KMT2E: variants seen among roughly 807,000 people sequenced by gnomAD.
KMT2E encodes the protein histone reader KMT2E.
KMT2E carries 30 observed loss-of-function variants against 184.6 expected under a neutral mutation model. The ratio of observed to expected loss-of-function variants is 0.16; its 90% CI spans 0.12 to 0.22. The LOEUF (loss-of-function observed/expected upper bound fraction) is 0.22. Among genes scored for constraint, KMT2E ranks in the 10% least tolerant of loss-of-function variants. The pLI is 1.00. For missense variants in KMT2E, 2,023 were observed against 2,237.4 expected, an observed-to-expected ratio of 0.90 and a Z score of 1.93; for synonymous variants, 815 against 776.5, an observed-to-expected ratio of 1.05 and a Z score of -0.82.
At chr7:105,103,827 C>CTTTTT (rs66584948) in intron 17 of KMT2E, 25 of 117,560 alleles carry the variant, frequency 2.1e-4, no homozygotes, top group South Asian at 5.2e-4. Flanking sequence ...TTTTCTTTTT[C>CTTTTT]TTTTTTTTTT....
At chr7:105,084,040 A>T (rs1292401853) in intron 13 of KMT2E, among the ~76,000 whole-genome samples, 1 of 152,188 alleles carries the variant, frequency 6.6e-6, no homozygotes, top group African/African-American at 2.4e-5. Flanking sequence ...TAAAAGCTTC[A>T]TTTGCAATAC....
intron 1 of KMT2E, among the ~76,000 whole-genome samples, chr7:105,024,969 G>A (rs1350229128): frequency 2.0e-5 from 3 of 152,064 alleles, no homozygotes; most frequent in African/African-American, 7.2e-5. Flanking sequence ...TAAAATCACA[G>A]CAGTACAAAT....
chr7:105,112,127 C>G lies in KMT2E; in HGVS notation c.4371C>G (p.His1457Gln), dbSNP rs777676737. 1 of 1,614,176 alleles carries G rather than the reference C, an allele frequency of 6.2e-7. No individual in the cohort carries two copies. Among genetic ancestry groups the G allele is most frequent in the South Asian group, 1.1e-5 (1 of 91,068 alleles). The change falls in exon 27 of 27, where the codon CAC becomes CAG. Residue 1457 changes from histidine to glutamine, a missense_variant. His to Gln is a conservative substitution (Grantham distance 24). Transcript: ENST00000311117. ...ATCCTCCAAAGTCATCCACGCCTCA[C>G]ACACCTGTACAGCATGGTTATCTTT... ...LENPPKSSTP[H>Q]TPVQHGYLSP... is the part of the protein sequence containing the mutation.
In KMT2E at chr7:105,090,148, A is replaced by G. The variant is rs771795820; in HGVS notation, c.1498A>G (p.Lys500Glu). 6.2e-7 allele frequency: 1 copy of G among 1,613,278 alleles called. No individual in the cohort carries two copies. Among genetic ancestry groups the G allele is most frequent in the Non-Finnish European group, 8.5e-7 (1 of 1,179,598 alleles). The change falls in exon 14 of 27, where the codon AAA (lysine) becomes GAA (glutamate). Residue 500 changes from lysine to glutamate, a missense_variant. Around this residue, in one of 8 missense-constraint regions of KMT2E, gnomAD observed 514 missense variants for 621.8 expected, o/e 0.83. Coordinates refer to ENST00000311117, the MANE Select transcript of KMT2E (RefSeq NM_182931.3). ...AGGAAAAAAAGACAAAGATATTTCA[A>G]AAGAAAAAGATACACAAAATCAGAA... is the stretch of plus-strand genomic sequence containing the variant. ...KKGKKDKDIS[K>E]EKDTQNQNIT...
At chr7:105,044,076 T>C (rs1448722655) in intron 3 of KMT2E, among the ~76,000 whole-genome samples, 1 of 152,176 alleles carries the variant, frequency 6.6e-6, no homozygotes, top group Admixed American at 6.5e-5. Context: ...CCAGCCTGGG[T>C]GACAGAGCAA....
chr7:105,114,624 T>G lies in KMT2E; in HGVS notation c.*1291T>G, dbSNP rs1413609200. ...TACATCCAATAATAATGATACTGTTTTATCAATCAACATATTTTTCATCAT... is the reference window on the plus strand; with the variant it reads ...TACATCCAATAATAATGATACTGTTGTATCAATCAACATATTTTTCATCAT... On this transcript the variant is annotated 3_prime_UTR_variant, in exon 27 of 27. Coordinates refer to ENST00000311117, the MANE Select transcript of KMT2E (RefSeq NM_182931.3). Among the ~76,000 whole-genome samples the G allele has an allele frequency of 6.6e-6, 1 of 152,232 alleles. No individual in the cohort carries two copies. The highest frequency in any genetic ancestry group is 6.5e-5 in the Admixed American group (1 of 15,284).
intron 13 of KMT2E, among the ~76,000 whole-genome samples, chr7:105,087,878 T>G (rs1229979646): frequency 6.6e-6 from 1 of 151,432 alleles, no homozygotes; most frequent in Non-Finnish European, 1.5e-5. Context: ...GTCTTTTGGG[T>G]TATAAGCAAT....
chr7:105,030,225 T>C (rs1407248662), intron 1 of KMT2E, among the ~76,000 whole-genome samples: 1 of 152,254 alleles, frequency 6.6e-6, no homozygotes, highest in African/African-American at 2.4e-5. Flanking sequence ...AGATAAAGTC[T>C]AGTCAAATTG....
At chr7:105,095,838 T>G (rs1055855322) in intron 15 of KMT2E, among the ~76,000 whole-genome samples, 1 of 152,052 alleles carries the variant, frequency 6.6e-6, no homozygotes, top group African/African-American at 2.4e-5. Context: ...GAGGTGGGGC[T>G]AGATGGCTGT....
intron 1 of KMT2E, among the ~76,000 whole-genome samples, chr7:105,032,897 A>G (rs1795485664): frequency 6.6e-6 from 1 of 152,240 alleles, no homozygotes; most frequent in Admixed American, 6.5e-5. Flanking sequence ...TGTCCTTGGG[A>G]CAAGTAGAAT....
chr7:105,029,081 A>G (rs1366805880), intron 1 of KMT2E, among the ~76,000 whole-genome samples: 1 of 152,086 alleles, frequency 6.6e-6, no homozygotes, highest in Non-Finnish European at 1.5e-5. Flanking sequence ...CCTGGCCAAC[A>G]TAGGGAAACC....
chr7:105,026,696 T>A (rs1042974521), intron 1 of KMT2E, among the ~76,000 whole-genome samples: 5 of 152,212 alleles, frequency 3.3e-5, no homozygotes, highest in Non-Finnish European at 4.4e-5. Flanking sequence ...ATGTTTAAAC[T>A]GGCAAATCTC....
Position 105,112,122 on chromosome 7 carries a change from C to T in KMT2E, c.4366C>T (p.Pro1456Ser). The T allele has an allele frequency of 6.2e-7, 1 of 1,614,174 alleles. No individual in the cohort carries two copies. The highest frequency in any genetic ancestry group is 8.5e-7 in the Non-Finnish European group (1 of 1,180,024). ...HLENPPKSST[P>S]HTPVQHGYLS... ...AGAAAATCCTCCAAAGTCATCCACGCCTCACACACCTGTACAGCATGGTTA... is the reference window on the plus strand; with the variant it reads ...AGAAAATCCTCCAAAGTCATCCACGTCTCACACACCTGTACAGCATGGTTA... The change falls in exon 27 of 27, where the codon CCT (proline) becomes TCT (serine). Residue 1456 changes from proline to serine, a missense_variant. This residue lies in a region of KMT2E where 1,108 missense variants were observed against 1,050.9 expected (regional missense o/e 1.05). Transcript: ENST00000311117.
At position 105,062,214 on chromosome 7, in the gene KMT2E, A is replaced by T; in HGVS notation, c.122A>T (p.Tyr41Phe). ...GTGGTAGTTGAGAAATCCAACAGTT[A>T]TCCCCACCAGTTATATACCAGCAGC... ...SPVVVEKSNS[Y>F]PHQLYTSSSH... The change falls in exon 4 of 27, where the codon TAT becomes TTT. Residue 41 changes from tyrosine (Y) to phenylalanine (F), a missense_variant. Coordinates refer to ENST00000311117, the MANE Select transcript of KMT2E (RefSeq NM_182931.3). The T allele has an allele frequency of 6.2e-7, 1 of 1,613,712 alleles. No individual in the cohort carries two copies. Among genetic ancestry groups the T allele is most frequent in the Non-Finnish European group, 8.5e-7 (1 of 1,179,720 alleles).
At chr7:105,075,413 C>G (rs1253632215) in intron 8 of KMT2E, among the ~76,000 whole-genome samples, 1 of 152,128 alleles carries the variant, frequency 6.6e-6, no homozygotes, top group Non-Finnish European at 1.5e-5. Flanking sequence ...GTAAATACAG[C>G]TCTGTTTACC....
intron 1 of KMT2E, among the ~76,000 whole-genome samples, chr7:105,020,057 G>A (rs531610503): frequency 1.4e-3 from 212 of 150,074 alleles, no homozygotes; most frequent in Non-Finnish European, 2.5e-3. Context: ...GCAGTGAGCC[G>A]AGATTGTGCC....
At chr7:105,021,015 A>G (rs1195230864) in intron 1 of KMT2E, among the ~76,000 whole-genome samples, 1 of 152,228 alleles carries the variant, frequency 6.6e-6, no homozygotes, top group Non-Finnish European at 1.5e-5. Context: ...TTACAGAGAG[A>G]TATCTCCAGT....
intron 3 of KMT2E, among the ~76,000 whole-genome samples, chr7:105,049,689 G>A (rs951006807): frequency 4.6e-5 from 7 of 152,014 alleles, no homozygotes; most frequent in Non-Finnish European, 7.4e-5. Flanking sequence ...TCAGGAATTC[G>A]AGACCAGCCT....
At chr7:105,109,917 C>T (rs543796219) in intron 23 of KMT2E, among the ~76,000 whole-genome samples, 3 of 150,052 alleles carry the variant, frequency 2.0e-5, no homozygotes, top group African/African-American at 4.9e-5. Context: ...AATCTCGGCT[C>T]ACTGCAAGCT....
Sources: allele counts gnomAD v4.1 joint callset (sites outside exome capture counted in the v4.1 genomes callset), GRCh38; gene constraint gnomAD v4.1.1; regional missense constraint gnomAD v4.1.1; transcripts MANE v1.5; gene names NCBI Gene and HGNC (gene_info 2026-07-23, HGNC 2026-07-21).